The following SLCO3A1 variants were observed in gnomAD, a reference collection of about 807,000 sequenced individuals.
SLCO3A1 encodes the protein solute carrier organic anion transporter family member 3A1.
In SLCO3A1, 27 loss-of-function variants were observed where a neutral mutation model predicts 63.1. The observed-to-expected ratio is 0.43, with a 90% confidence interval of 0.32 to 0.59. SLCO3A1 has a LOEUF of 0.59. SLCO3A1 is among the 20% of genes least tolerant of loss of function. The pLI is 0.09. For synonymous variants in SLCO3A1, 473 were observed against 409.9 expected, an observed-to-expected ratio of 1.15 and a Z score of -1.86; for missense variants, 773 against 945.8, an observed-to-expected ratio of 0.82 and a Z score of 2.40.
chr15:91,931,948 CTT>C (rs1478392303), intron 2 of SLCO3A1, among the ~76,000 whole-genome samples: 1 of 152,166 alleles, frequency 6.6e-6, no homozygotes, highest in Non-Finnish European at 1.5e-5. Flanking sequence ...ATTGAAGAGA[CTT>C]TTAGTGTAAA....
intron 2 of SLCO3A1, among the ~76,000 whole-genome samples, chr15:92,015,953 A>G (rs1220977206): frequency 6.6e-6 from 1 of 152,216 alleles, no homozygotes; most frequent in Non-Finnish European, 1.5e-5. Flanking sequence ...ATGATTTGGC[A>G]TGTGGTTGGT....
chr15:92,023,907 G>T (rs753930816), intron 2 of SLCO3A1, among the ~76,000 whole-genome samples: 1 of 152,170 alleles, frequency 6.6e-6, no homozygotes, highest in Non-Finnish European at 1.5e-5. Context: ...GTCTCAAGGG[G>T]CTAAGATACC....
At chr15:91,989,596 A>G (rs1239735631) in intron 2 of SLCO3A1, among the ~76,000 whole-genome samples, 1 of 152,248 alleles carries the variant, frequency 6.6e-6, no homozygotes, top group African/African-American at 2.4e-5. Flanking sequence ...GTCATGGTAC[A>G]AATAAGACCA....
At chr15:91,934,717 A>C (rs1899347507) in intron 2 of SLCO3A1, among the ~76,000 whole-genome samples, 1 of 152,216 alleles carries the variant, frequency 6.6e-6, no homozygotes, top group South Asian at 2.1e-4. Context: ...TAGGTTGACA[A>C]GCATTGATGA....
chr15:92,091,917 C>T (rs193150184), intron 2 of SLCO3A1, among the ~76,000 whole-genome samples: 93 of 152,350 alleles, frequency 6.1e-4, no homozygotes, highest in African/African-American at 2.1e-3. Context: ...GAAACCCACA[C>T]CTTCTCATAG....
At chr15:92,084,530 C>T (rs563132666) in intron 2 of SLCO3A1, among the ~76,000 whole-genome samples, 1 of 152,324 alleles carries the variant, frequency 6.6e-6, no homozygotes, top group African/African-American at 2.4e-5. Context: ...TCAGTAGTAC[C>T]TCTCTGTCCT....
intron 9 of SLCO3A1, among the ~76,000 whole-genome samples, chr15:92,156,542 G>A (rs2048373773): frequency 6.6e-6 from 1 of 152,168 alleles, no homozygotes; most frequent in Non-Finnish European, 1.5e-5. Context: ...TTAACAAGGG[G>A]TCCAGGAATG....
intron 9 of SLCO3A1, among the ~76,000 whole-genome samples, chr15:92,160,636 C>T (rs984276710): frequency 4.6e-5 from 7 of 152,098 alleles, no homozygotes; most frequent in Non-Finnish European, 8.8e-5. Context: ...AAATCTTCTC[C>T]GGGGCTTCTC....
intron 2 of SLCO3A1, among the ~76,000 whole-genome samples, chr15:91,978,947 C>T (rs1901225951): frequency 6.6e-6 from 1 of 152,216 alleles, no homozygotes; most frequent in Non-Finnish European, 1.5e-5. Flanking sequence ...CTCATACCTA[C>T]CCTATTTTGG....
intron 2 of SLCO3A1, among the ~76,000 whole-genome samples, chr15:92,014,218 C>T (rs1457375245): frequency 3.3e-5 from 5 of 152,094 alleles, no homozygotes; most frequent in Admixed American, 1.3e-4. Context: ...GCCTGATGGG[C>T]GTCTCACCTA....
rs577667620 is a variant in SLCO3A1, at chr15:91,883,838, G to A, written c.180+29750G>A. ...ACTCACTTCTGTGGGTCCACACCCC[G>A]TGCCAGGCACCGTGTTACATGCATT... On this transcript the variant is annotated intron_variant, in intron 1 of 9. Coordinates refer to ENST00000318445, the MANE Select transcript of SLCO3A1 (RefSeq NM_013272.4). The surrounding 1 kb of genome is among the most constrained non-coding windows in gnomAD (Gnocchi z 4.8). Among the ~76,000 whole-genome samples, 16 of 152,242 alleles carry A rather than the reference G, an allele frequency of 1.1e-4. No homozygotes were observed. Among genetic ancestry groups the A allele is most frequent in the East Asian group, 5.8e-4 (3 of 5,176 alleles).
At chr15:91,987,925 G>A (rs528787008) in intron 2 of SLCO3A1, among the ~76,000 whole-genome samples, 17 of 152,134 alleles carry the variant, frequency 1.1e-4, no homozygotes, top group African/African-American at 2.4e-4. Context: ...TCGTGGCCAC[G>A]TGGAGGATGT....
At position 92,164,608 on chromosome 15, in the gene SLCO3A1, G is replaced by GTA; in HGVS notation, c.*1474_*1475dup. On this transcript the variant is annotated 3_prime_UTR_variant, in exon 10 of 10. Transcript: ENST00000318445. Reference sequence around the variant, plus strand: ...CCTAACACAAGCTGTTAAGAAGTCTGTAGCATCTCTGATAACGAATAGACC... The same window carrying GTA: ...CCTAACACAAGCTGTTAAGAAGTCTGTATAGCATCTCTGATAACGAATAGACC... 1.0e-6 allele frequency: 1 copy of GTA among 985,128 alleles called. No individual in the cohort carries two copies. Among genetic ancestry groups the GTA allele is most frequent in the Non-Finnish European group, 1.2e-6 (1 of 829,860 alleles). 61.0% of individuals were successfully genotyped at this position (985,128 alleles called of 1,614,324 possible).
chr15:91,998,265 C>A (rs1277581126), intron 2 of SLCO3A1, among the ~76,000 whole-genome samples: 2 of 152,052 alleles, frequency 1.3e-5, no homozygotes, highest in African/African-American at 2.4e-5. Context: ...ACCAACGTAG[C>A]CCACATGGTG....
Position 91,916,183 on chromosome 15 carries a change from C to T in SLCO3A1, c.371C>T (p.Ala124Val). ...ATGGCGCTGGGCGCGCTGCTGTCGG[C>T]GCTGCCCGAGTTCCTGACCCACCAG... ...IVMALGALLSALPEFLTHQYK... is the reference protein window; with the variant it reads ...IVMALGALLSVLPEFLTHQYK... Residue 124 changes from alanine (A) to valine (V), a missense_variant, in exon 2 of 10, where the codon GCG becomes GTG. By Grantham distance (64) the Ala-to-Val change is moderately conservative. Transcript: ENST00000318445. The surrounding 1 kb of genome is among the most constrained non-coding windows in gnomAD (Gnocchi z 6.2). 2 of 1,598,204 alleles carry T rather than the reference C, an allele frequency of 1.3e-6. No homozygotes were observed. The highest frequency in any genetic ancestry group is 8.5e-7 in the Non-Finnish European group (1 of 1,175,056).
At position 91,857,553 on chromosome 15, in the gene SLCO3A1, C is replaced by T. The variant is rs545795631; in HGVS notation, c.180+3465C>T. 9.3e-4 allele frequency among the ~76,000 whole-genome samples: 141 copies of T among 152,306 alleles called. 1 individual carries two copies. Among genetic ancestry groups the T allele is most frequent in the African/African-American group, 3.3e-3 (138 of 41,560 alleles). On this transcript the variant is annotated intron_variant, in intron 1 of 9. Transcript: ENST00000318445. Reference sequence around the variant, plus strand: ...CTTGGGTTTTGGCTTCGAGTGGCTCCAGTCCTGTTTGCAAGGATGTAACAT... The same window carrying T: ...CTTGGGTTTTGGCTTCGAGTGGCTCTAGTCCTGTTTGCAAGGATGTAACAT...
At chr15:91,965,878 C>G (rs1017675358) in intron 2 of SLCO3A1, among the ~76,000 whole-genome samples, 1 of 152,108 alleles carries the variant, frequency 6.6e-6, no homozygotes, top group Non-Finnish European at 1.5e-5. Context: ...CAGTCCAGCC[C>G]TGAGGACATT....
chr15:91,988,547 C>T (rs887852133), intron 2 of SLCO3A1, among the ~76,000 whole-genome samples: 10 of 152,002 alleles, frequency 6.6e-5, no homozygotes, highest in Admixed American at 2.0e-4. Flanking sequence ...AGGAAACGTG[C>T]AGATCAATTA....
At chr15:92,144,051 C>G (rs1406619992) in intron 7 of SLCO3A1, among the ~76,000 whole-genome samples, 1 of 152,200 alleles carries the variant, frequency 6.6e-6, no homozygotes, top group Non-Finnish European at 1.5e-5. Context: ...TGGGACAGGT[C>G]GGCGCCTTCC....
Sources: gnomAD v4.1 joint callset for allele counts (sites outside exome capture counted in the v4.1 genomes callset) on GRCh38, gnomAD v4.1.1 for gene constraint, Gnocchi (gnomAD v3.1) non-coding constraint, MANE v1.5 for transcripts, NCBI Gene and HGNC (gene_info 2026-07-23, HGNC 2026-07-21) for gene names.